The following RABGAP1L variants were observed in gnomAD, a reference collection of about 807,000 sequenced individuals.
The protein encoded by RABGAP1L is rab GTPase-activating protein 1-like.
Under a neutral mutation model 137.7 loss-of-function variants are expected in RABGAP1L, and 63 were observed. The ratio of observed to expected loss-of-function variants is 0.46; its 90% confidence interval spans 0.37 to 0.56. The LOEUF is 0.56. RABGAP1L is among the 20% of genes least tolerant of loss of function. The pLI, the probability that RABGAP1L is intolerant of heterozygous loss-of-function variation, is 0.00. For synonymous variants in RABGAP1L, 431 were observed against 433.7 expected, an observed-to-expected ratio of 0.99 and a Z score of 0.08; for missense variants, 1,095 against 1,244.0, an observed-to-expected ratio of 0.88 and a Z score of 1.80.
At chr1:174,738,451 T>C (rs1284667517) in intron 17 of RABGAP1L, among the ~76,000 whole-genome samples, 1 of 152,198 alleles carries the variant, frequency 6.6e-6, no homozygotes, top group Non-Finnish European at 1.5e-5. Context: ...TTGTAAAATA[T>C]ATAGAAATCA....
intron 13 of RABGAP1L, among the ~76,000 whole-genome samples, chr1:174,597,180 T>A (rs1285642703): frequency 2.0e-5 from 3 of 152,136 alleles, no homozygotes; most frequent in African/African-American, 7.2e-5. Flanking sequence ...GGAATTTTCT[T>A]TTTTTGATGT....
At chr1:174,476,880 T>C (rs1658561366) in intron 13 of RABGAP1L, among the ~76,000 whole-genome samples, 1 of 152,008 alleles carries the variant, frequency 6.6e-6, no homozygotes, top group Non-Finnish European at 1.5e-5. Flanking sequence ...TTTGTGAGAG[T>C]AGATGTTCAA....
chr1:174,624,520 G>A (rs1380473087), intron 13 of RABGAP1L, among the ~76,000 whole-genome samples: 1 of 152,078 alleles, frequency 6.6e-6, no homozygotes, highest in Non-Finnish European at 1.5e-5. Context: ...TGAATGGGAA[G>A]TTTTCATATA....
chr1:174,320,163 A>G (rs1028205201), intron 11 of RABGAP1L, among the ~76,000 whole-genome samples: 2 of 152,296 alleles, frequency 1.3e-5, no homozygotes, highest in East Asian at 3.9e-4. Context: ...AGTGTTATAC[A>G]TCCACATAAT....
chr1:174,372,019 G>A (rs559679807), intron 12 of RABGAP1L, among the ~76,000 whole-genome samples: 39 of 152,188 alleles, frequency 2.6e-4, no homozygotes, highest in African/African-American at 8.4e-4. Context: ...TATTGGGCCT[G>A]TTATTGTTTT....
Position 174,612,795 on chromosome 1 carries a change from G to C in RABGAP1L, c.1711-24580G>C, listed in dbSNP as rs898884929. 8.5e-5 allele frequency among the ~76,000 whole-genome samples: 13 copies of C among 152,304 alleles called. No homozygotes were observed. The South Asian group carries it at 1.0e-3, about 12-fold the overall frequency. ...CTGGTTTAGTCTTGGGAGAGTGTACGTGTCAAGGAATGTATCCATTTCTTC... is the reference window on the plus strand; with the variant it reads ...CTGGTTTAGTCTTGGGAGAGTGTACCTGTCAAGGAATGTATCCATTTCTTC... On this transcript the variant is annotated intron_variant, in intron 13 of 25. Transcript: ENST00000681986.
intron 18 of RABGAP1L, among the ~76,000 whole-genome samples, chr1:174,789,578 A>G (rs1423165191): frequency 6.6e-6 from 1 of 152,028 alleles, no homozygotes; most frequent in Non-Finnish European, 1.5e-5. Context: ...GCTACATGGG[A>G]GTGACTCAGT....
intron 11 of RABGAP1L, among the ~76,000 whole-genome samples, chr1:174,312,984 G>C (rs991791664): frequency 6.6e-6 from 1 of 152,174 alleles, no homozygotes; most frequent in Non-Finnish European, 1.5e-5. Context: ...GTCCCATGCT[G>C]TTTTGGTTAC....
At chr1:174,981,672 C>T (rs1574071203) in intron 23 of RABGAP1L, among the ~76,000 whole-genome samples, 1 of 147,070 alleles carries the variant, frequency 6.8e-6, no homozygotes, top group Non-Finnish European at 1.5e-5. Context: ...CTCAAGCGAT[C>T]CTCCCACCTT....
In RABGAP1L at chr1:174,418,868, G is replaced by T. The variant is rs1208706492; in HGVS notation, c.1710+24723G>T. 2.0e-5 allele frequency among the ~76,000 whole-genome samples: 3 copies of T among 151,940 alleles called. No individual in the cohort carries two copies. The South Asian group carries it at 6.2e-4, about 32-fold the overall frequency. ...AGCCTGGGCAACATGATGAAACCCTGTCTCTACGAAAATGCAAAAATTAGC... is the reference window on the plus strand; with the variant it reads ...AGCCTGGGCAACATGATGAAACCCTTTCTCTACGAAAATGCAAAAATTAGC... On this transcript the variant is annotated intron_variant, in intron 13 of 25. Coordinates refer to ENST00000681986, the MANE Select transcript of RABGAP1L (RefSeq NM_001366446.1).
At chr1:174,816,999 G>A (rs1168268952) in intron 19 of RABGAP1L, among the ~76,000 whole-genome samples, 3 of 152,134 alleles carry the variant, frequency 2.0e-5, no homozygotes, top group Admixed American at 6.5e-5. Context: ...AAAGTACTGG[G>A]ATTACAGGCG....
chr1:174,817,296 T>G (rs555676226), intron 19 of RABGAP1L, among the ~76,000 whole-genome samples: 1 of 152,276 alleles, frequency 6.6e-6, no homozygotes, highest in South Asian at 2.1e-4. Flanking sequence ...GAAAAGTTAT[T>G]TATTGAGTGC....
At chr1:174,327,396 A>G (rs764339177) in intron 11 of RABGAP1L, among the ~76,000 whole-genome samples, 1 of 152,110 alleles carries the variant, frequency 6.6e-6, no homozygotes, top group Non-Finnish European at 1.5e-5. Flanking sequence ...AGAGCAATGG[A>G]GTTAGTGTTT....
At position 174,176,713 on chromosome 1, in the gene RABGAP1L, G is replaced by GAAAAAAAAAAAAAAAA. The variant is rs71563251; in HGVS notation, c.-34+17074_-34+17089dup. On this transcript the variant is annotated intron_variant, in intron 1 of 25. Coordinates refer to ENST00000681986, the MANE Select transcript of RABGAP1L (RefSeq NM_001366446.1). ...GACAACAGAGGGAGACCCTTTTTCA[G>GAAAAAAAAAAAAAAAA]AAAAAAAAAAAAAAAAAAAAAAAAA... Among the ~76,000 whole-genome samples the GAAAAAAAAAAAAAAAA allele has an allele frequency of 6.5e-4, 14 of 21,546 alleles. 1 individual carries two copies. Among genetic ancestry groups the GAAAAAAAAAAAAAAAA allele is most frequent in the African/African-American group, 2.0e-3 (14 of 6,930 alleles). 14.1% of individuals were successfully genotyped at this position (21,546 alleles called of 152,430 possible).
At chr1:174,206,198 G>A (rs549595963) in intron 1 of RABGAP1L, among the ~76,000 whole-genome samples, 8 of 152,262 alleles carry the variant, frequency 5.3e-5, no homozygotes, top group East Asian at 3.9e-4. Flanking sequence ...AGGCTTATTC[G>A]CAGAATAAGA....
intron 1 of RABGAP1L, among the ~76,000 whole-genome samples, chr1:174,176,727 A>T (rs1297591088): frequency 5.8e-5 from 8 of 137,590 alleles, no homozygotes; most frequent in South Asian, 2.4e-4. Flanking sequence ...AAAAAAAAAA[A>T]AAAAAAAAAA....
intron 6 of RABGAP1L, 85 bp downstream of exon 6, chr1:174,250,717 G>A (rs1672645757): frequency 8.0e-7 from 1 of 1,247,844 alleles, no homozygotes; most frequent in South Asian, 1.6e-5. Context: ...ACTATACAGT[G>A]TTGGCATAAA....
At chr1:174,542,587 A>G (rs1349480937) in intron 13 of RABGAP1L, among the ~76,000 whole-genome samples, 1 of 149,714 alleles carries the variant, frequency 6.7e-6, no homozygotes, top group African/African-American at 2.5e-5. Flanking sequence ...TTGTGTCTCT[A>G]TCTCCTTCAT....
chr1:174,538,757 A>G (rs147250781), intron 13 of RABGAP1L, among the ~76,000 whole-genome samples: 78 of 152,288 alleles, frequency 5.1e-4, no homozygotes, highest in African/African-American at 1.8e-3. Flanking sequence ...ATATGGCACA[A>G]CTTAGAGATA....
Sources: allele counts gnomAD v4.1 joint callset (sites outside exome capture counted in the v4.1 genomes callset), GRCh38; gene constraint gnomAD v4.1.1; transcripts MANE v1.5; gene names NCBI Gene and HGNC (gene_info 2026-07-23, HGNC 2026-07-21).